MINPP1: variants seen among roughly 807,000 people sequenced by gnomAD.
MINPP1 encodes multiple inositol-polyphosphate phosphatase 1, also known as multiple inositol polyphosphate phosphatase 1.
In MINPP1, 28 loss-of-function variants were observed where a neutral mutation model predicts 46.1. The ratio of observed to expected loss-of-function variants is 0.61; its 90% confidence interval spans 0.45 to 0.83. The LOEUF is 0.83. MINPP1 is among the 40% of genes least tolerant of loss of function. The pLI is 0.00. For missense variants in MINPP1, 603 were observed against 610.0 expected (o/e 0.99, Z 0.12); for synonymous variants, 268 against 249.1 (o/e 1.08, Z -0.72).
chr10:87,546,968 A>C lies in MINPP1; in HGVS notation c.1068-5114A>C, dbSNP rs1015848784. On this transcript the variant is annotated intron_variant, in intron 4 of 4. Coordinates refer to ENST00000371996, the MANE Select transcript of MINPP1 (RefSeq NM_004897.5). Reference sequence around the variant, plus strand: ...AAGGAAAAAAATATCATTTAAAAAAAATTTTGTGGGATTTTACATGTGCTT... The same window carrying C: ...AAGGAAAAAAATATCATTTAAAAAACATTTTGTGGGATTTTACATGTGCTT... Among the ~76,000 whole-genome samples the C allele has an allele frequency of 2.2e-4, 34 of 152,262 alleles. 1 individual carries two copies. Among genetic ancestry groups the C allele is most frequent in the Middle Eastern group, 3.4e-3 (1 of 294 alleles).
At chr10:87,518,651 C>T (rs1174220856) in intron 3 of MINPP1, among the ~76,000 whole-genome samples, 1 of 152,158 alleles carries the variant, frequency 6.6e-6, no homozygotes, top group Non-Finnish European at 1.5e-5. Flanking sequence ...GTTGAGGGCT[C>T]AGTCCCCAAG....
chr10:87,551,968 A>C, intron 4 of MINPP1, 114 bp from the exon 5 acceptor site: 1 of 846,436 alleles, frequency 1.2e-6, no homozygotes, highest in South Asian at 1.9e-5. Flanking sequence ...GATTTAAAAA[A>C]ATAGATGGGA....
intron 4 of MINPP1, 147 bp downstream of exon 4, chr10:87,521,316 CAT>C (rs1851498229): frequency 8.0e-6 from 5 of 622,684 alleles, no homozygotes; most frequent in South Asian, 4.0e-5. Flanking sequence ...AATTCGATAA[CAT>C]ATATGTAAAT....
In MINPP1 at chr10:87,521,024, G is replaced by A; in HGVS notation, c.934-12G>A. ...TGAAAATATATTAGAAATTATTTTT[G>A]AATTTTTTTAGGTATTAGAATATTT... is the stretch of plus-strand genomic sequence containing the variant. On this transcript the variant is annotated splice_polypyrimidine_tract_variant and intron_variant, in intron 3 of 4. Coordinates refer to ENST00000371996, the MANE Select transcript of MINPP1 (RefSeq NM_004897.5). The A allele has an allele frequency of 1.1e-6, 1 of 911,818 alleles. No individual in the cohort carries two copies. The highest frequency in any genetic ancestry group is 1.7e-6 in the Non-Finnish European group (1 of 573,600). 56.5% of individuals were successfully genotyped at this position (911,818 alleles called of 1,614,324 possible). A position where few individuals can be genotyped will look rare whatever the true frequency, so the allele number is the denominator to read the frequency against.
chr10:87,551,816 A>T (rs1030544852), intron 4 of MINPP1, among the ~76,000 whole-genome samples: 2 of 152,104 alleles, frequency 1.3e-5, no homozygotes, highest in Non-Finnish European at 2.9e-5. Context: ...CTCTCTTTAA[A>T]CTTAAAGGAA....
chr10:87,535,030 A>C (rs940500345), intron 4 of MINPP1, among the ~76,000 whole-genome samples: 3 of 152,250 alleles, frequency 2.0e-5, no homozygotes, highest in Non-Finnish European at 2.9e-5. Context: ...CTCTCAGTCT[A>C]GTAAGGAAGA....
At chr10:87,519,531 T>C (rs1851468862) in intron 3 of MINPP1, among the ~76,000 whole-genome samples, 1 of 152,102 alleles carries the variant, frequency 6.6e-6, no homozygotes, top group Non-Finnish European at 1.5e-5. Flanking sequence ...TCTCCTTTTC[T>C]TCATTAATAA....
intron 4 of MINPP1, among the ~76,000 whole-genome samples, chr10:87,532,954 T>G (rs1261608029): frequency 2.6e-5 from 4 of 151,606 alleles, no homozygotes; most frequent in Admixed American, 2.6e-4. Context: ...TTTGTGTTTT[T>G]CCTGATCTCT....
At chr10:87,528,153 C>CCCA (rs1413323549) in intron 4 of MINPP1, among the ~76,000 whole-genome samples, 4 of 151,964 alleles carry the variant, frequency 2.6e-5, no homozygotes, top group Non-Finnish European at 5.9e-5. Context: ...TTTTCAAAAA[C>CCCA]CCACCTCCTA....
chr10:87,545,400 T>C (rs963940374), intron 4 of MINPP1, among the ~76,000 whole-genome samples: 8 of 152,138 alleles, frequency 5.3e-5, no homozygotes, highest in Non-Finnish European at 1.2e-4. Flanking sequence ...GATTTATACA[T>C]ATGTCTTGAA....
rs758478040 is a variant in MINPP1, at chr10:87,504,915, G to T, written c.-1G>T. 2 of 1,610,228 alleles carry T rather than the reference G, an allele frequency of 1.2e-6. No individual in the cohort carries two copies. The highest frequency in any genetic ancestry group is 2.2e-5 in the East Asian group (1 of 44,834). On this transcript the variant is annotated 5_prime_UTR_variant, in exon 1 of 5. Transcript: ENST00000371996. ...GGCGCACTCCACTGACCGTCCCGAC[G>T]ATGCTACGCGCGCCCGGCTGCCTCC...
chr10:87,542,202 CTA>C, intron 4 of MINPP1, among the ~76,000 whole-genome samples: 1 of 152,288 alleles, frequency 6.6e-6, no homozygotes, highest in South Asian at 2.1e-4. Context: ...GGTATACCTC[CTA>C]TTCCAAAAGG....
Position 87,553,338 on chromosome 10 carries a change from T to C in MINPP1, c.*860T>C, listed in dbSNP as rs1366864612. 2 of 152,112 alleles carry C rather than the reference T, an allele frequency of 1.3e-5. No individual in the cohort carries two copies. Among genetic ancestry groups the C allele is most frequent in the East Asian group, 3.9e-4 (2 of 5,192 alleles). 9.4% of individuals were successfully genotyped at this position (152,112 alleles called of 1,614,324 possible). On this transcript the variant is annotated 3_prime_UTR_variant, in exon 5 of 5. Coordinates refer to ENST00000371996, the MANE Select transcript of MINPP1 (RefSeq NM_004897.5). ...TCTTTGTAAATAGTTCTGAGTTCTG[T>C]CAAATGCCGTGAAAGTATTTGCTAT...
intron 4 of MINPP1, among the ~76,000 whole-genome samples, chr10:87,542,965 A>G (rs1371230577): frequency 6.6e-6 from 1 of 152,138 alleles, no homozygotes; most frequent in African/African-American, 2.4e-5. Flanking sequence ...AAAATTTGGA[A>G]CTTCTGAGAG....
At chr10:87,517,557 T>G (rs1015535012) in intron 3 of MINPP1, among the ~76,000 whole-genome samples, 4 of 152,236 alleles carry the variant, frequency 2.6e-5, no homozygotes, top group African/African-American at 9.6e-5. Flanking sequence ...AAAAGATTTA[T>G]GAGGTTGCAT....
At chr10:87,515,610 T>G (rs1851402010) in intron 3 of MINPP1, among the ~76,000 whole-genome samples, 1 of 152,160 alleles carries the variant, frequency 6.6e-6, no homozygotes. Context: ...GCTTAGGACT[T>G]TCACTGTGAA....
At chr10:87,530,615 G>T (rs1202786900) in intron 4 of MINPP1, among the ~76,000 whole-genome samples, 2 of 152,170 alleles carry the variant, frequency 1.3e-5, no homozygotes, top group Non-Finnish European at 2.9e-5. Context: ...GGCCCCTACT[G>T]GGAGGTGCCC....
chr10:87,516,843 A>G (rs1851418184), intron 3 of MINPP1, among the ~76,000 whole-genome samples: 1 of 151,842 alleles, frequency 6.6e-6, no homozygotes, highest in East Asian at 1.9e-4. Flanking sequence ...TTTTTTCTTT[A>G]TTACAGTAGT....
chr10:87,518,499 C>T (rs1349146366), intron 3 of MINPP1, among the ~76,000 whole-genome samples: 1 of 152,010 alleles, frequency 6.6e-6, no homozygotes, highest in African/African-American at 2.4e-5. Context: ...CTCACACCAC[C>T]ATCACAATCA....
Sources: gnomAD v4.1 joint callset for allele counts (sites outside exome capture counted in the v4.1 genomes callset) on GRCh38, gnomAD v4.1.1 for gene constraint, MANE v1.5 for transcripts, NCBI Gene and HGNC (gene_info 2026-07-23, HGNC 2026-07-21) for gene names.